The following SEMA3E variants were observed in gnomAD, a reference collection of about 807,000 sequenced individuals.
The protein encoded by SEMA3E is semaphorin-3E.
Under a neutral mutation model 93.6 loss-of-function variants are expected in SEMA3E, and 49 were observed. The ratio of observed to expected loss-of-function variants is 0.52; its 90% CI spans 0.42 to 0.66. The LOEUF (loss-of-function observed/expected upper bound fraction) is 0.66, where lower values mean the gene tolerates loss of function less well. Ranked by LOEUF, SEMA3E falls within the 30% of genes least tolerant of loss-of-function variation. SEMA3E has a pLI of 0.00. For missense variants in SEMA3E, 906 were observed against 964.8 expected, an observed-to-expected ratio of 0.94 and a Z score of 0.81; for synonymous variants, 363 against 330.7, an observed-to-expected ratio of 1.10 and a Z score of -1.06.
At position 83,367,458 on chromosome 7, in the gene SEMA3E, C is replaced by A. The variant is rs1794685360; in HGVS notation, c.*128G>T. 1.4e-5 allele frequency: 13 copies of A among 939,288 alleles called. No homozygotes were observed. Among genetic ancestry groups the A allele is most frequent in the South Asian group, 1.4e-4 (10 of 73,384 alleles). 58.2% of individuals were successfully genotyped at this position (939,288 alleles called of 1,614,324 possible). On this transcript the variant is annotated 3_prime_UTR_variant, in exon 17 of 17. Coordinates refer to ENST00000643230, the MANE Select transcript of SEMA3E (RefSeq NM_012431.3). ...GTATGTAGAATAATTTATTATAACA[C>A]CTTCATAGTCATTCCTGTATTACAG...
At position 83,364,357 on chromosome 7, in the gene SEMA3E, C is replaced by A. The variant is rs1794635148; in HGVS notation, c.*3229G>T. 6.6e-6 allele frequency: 1 copy of A among 152,124 alleles called. No homozygotes were observed. The allele number at this position is 152,124 out of a possible 1,614,324, so 9.4% of individuals were successfully genotyped here. A position where few individuals can be genotyped will look rare whatever the true frequency, so the allele number is the denominator to read the frequency against. On this transcript the variant is annotated 3_prime_UTR_variant, in exon 17 of 17. Coordinates refer to ENST00000643230, the MANE Select transcript of SEMA3E (RefSeq NM_012431.3). ...GCAAATATCGAACACTCATTACAAA[C>A]ATTCTAAGTATTTAACTAATTTTAG... is the stretch of plus-strand genomic sequence containing the variant.
rs540289055 is a variant in SEMA3E, at chr7:83,429,051, A to G, written c.457-10568T>C. Among the ~76,000 whole-genome samples the G allele has an allele frequency of 1.7e-4, 26 of 152,250 alleles. No homozygotes were observed. The East Asian group carries it at 4.6e-3, about 27-fold the overall frequency. On this transcript the variant is annotated intron_variant, in intron 4 of 16. Coordinates refer to ENST00000643230, the MANE Select transcript of SEMA3E (RefSeq NM_012431.3). ...TAGGTGTGGTTGAATGTCATTTATA[A>G]GGTACTTAATGCATAATCAAGGCCC...
At chr7:83,425,900 C>G (rs1387864429) in intron 4 of SEMA3E, among the ~76,000 whole-genome samples, 1 of 151,462 alleles carries the variant, frequency 6.6e-6, no homozygotes, top group Non-Finnish European at 1.5e-5. Flanking sequence ...AAAAACAACC[C>G]CATTAAAAAG....
At chr7:83,409,647 A>C (rs1788401623) in intron 5 of SEMA3E, among the ~76,000 whole-genome samples, 1 of 152,060 alleles carries the variant, frequency 6.6e-6, no homozygotes, top group Non-Finnish European at 1.5e-5. Flanking sequence ...TTTCCAACTT[A>C]ATATATCTAA....
intron 5 of SEMA3E, among the ~76,000 whole-genome samples, chr7:83,411,038 TGAAAATATTTTTATGG>T (rs961226215): frequency 4.6e-5 from 7 of 152,082 alleles, no homozygotes; most frequent in African/African-American, 1.7e-4. Flanking sequence ...CTTTGATAAT[TGAAAATATTTTTATGG>T]GAAAATAATA....
intron 1 of SEMA3E, among the ~76,000 whole-genome samples, chr7:83,643,673 G>T (rs531875897): frequency 2.6e-5 from 4 of 151,868 alleles, no homozygotes; most frequent in South Asian, 2.1e-4. Context: ...TCATAGGAAG[G>T]CTCTCTCCAC....
intron 1 of SEMA3E, among the ~76,000 whole-genome samples, chr7:83,641,876 A>C (rs1302221455): frequency 6.6e-6 from 1 of 152,250 alleles, no homozygotes; most frequent in Admixed American, 6.5e-5. Context: ...TATTCTGCAC[A>C]GTAATCTGCA....
At chr7:83,396,614 G>A in intron 12 of SEMA3E, 24 bp downstream of exon 12, 8 of 1,395,142 alleles carry the variant, frequency 5.7e-6, no homozygotes, top group Non-Finnish European at 8.1e-6. Flanking sequence ...CATAAATTTG[G>A]TCTGTATTTT....
intron 1 of SEMA3E, among the ~76,000 whole-genome samples, chr7:83,617,457 A>ATAATATATAATTTTATATAAG (rs1793395183): frequency 6.0e-5 from 2 of 33,144 alleles, no homozygotes; most frequent in African/African-American, 1.8e-4. Context: ...TTTTATATAA[A>ATAATATATAATTTTATATAAG]TAATATATAA....
At chr7:83,639,781 A>G (rs1479016348) in intron 1 of SEMA3E, among the ~76,000 whole-genome samples, 1 of 151,534 alleles carries the variant, frequency 6.6e-6, no homozygotes, top group Non-Finnish European at 1.5e-5. Flanking sequence ...CAAATAAAAT[A>G]TACTGTAGAT....
intron 1 of SEMA3E, among the ~76,000 whole-genome samples, chr7:83,520,258 A>G (rs1791017044): frequency 6.6e-6 from 1 of 152,134 alleles, no homozygotes; most frequent in Non-Finnish European, 1.5e-5. Flanking sequence ...GAAAAATTCC[A>G]TTCATTAGGA....
At position 83,556,234 on chromosome 7, in the gene SEMA3E, A is replaced by G. The variant is rs372382440; in HGVS notation, c.116-65960T>C. Among the ~76,000 whole-genome samples the G allele has an allele frequency of 9.2e-5, 14 of 152,302 alleles. 1 individual carries two copies. Among genetic ancestry groups the G allele is most frequent in the Admixed American group, 6.5e-5 (1 of 15,290 alleles). ...CTTACCTTCGCTTTTTGAGATAACT[A>G]TTGATAATACTTTAGCATATATCTT... On this transcript the variant is annotated intron_variant, in intron 1 of 16. Transcript: ENST00000643230.
At position 83,459,178 on chromosome 7, in the gene SEMA3E, T is replaced by C. The variant is rs549726641; in HGVS notation, c.456+7304A>G. Among the ~76,000 whole-genome samples the C allele has an allele frequency of 2.6e-5, 4 of 151,810 alleles. No homozygotes were observed. The South Asian group carries it at 6.2e-4, about 24-fold the overall frequency. ...CACTATTGAAACTGTTGAAAACCAA[T>C]GATAAAGACAAAATCTTAAAAGATA... On this transcript the variant is annotated intron_variant, in intron 4 of 16. Transcript: ENST00000643230.
rs779655312 is a variant in SEMA3E at position 83,392,570 on chromosome 7, C to T, written c.1652G>A (p.Gly551Asp). 6.2e-7 allele frequency: 1 copy of T among 1,613,280 alleles called. No homozygotes were observed. The highest frequency in any genetic ancestry group is 2.2e-5 in the East Asian group (1 of 44,834). ...CACGTCTCACCTTTTTGCATGTGTGCCTGTTGGGTAATACCGGGAGCAGGA... is the reference window on the plus strand; with the variant it reads ...CACGTCTCACCTTTTTGCATGTGTGTCTGTTGGGTAATACCGGGAGCAGGA... The part of the protein sequence containing the change: ...GISCSRYYPT[G>D]THAKRRFRRQ... Residue 551 changes from glycine to aspartate, a missense_variant, in exon 14 of 17, where the codon GGC (glycine) becomes GAC (aspartate). Physicochemically the swap from Gly to Asp is moderately conservative, Grantham distance 94. Transcript: ENST00000643230.
At chr7:83,622,967 A>G (rs911130316) in intron 1 of SEMA3E, among the ~76,000 whole-genome samples, 3 of 152,170 alleles carry the variant, frequency 2.0e-5, no homozygotes, top group South Asian at 2.1e-4. Context: ...CATCCCGCAC[A>G]TGTACCTTGG....
At chr7:83,473,048 A>G (rs369099989) in intron 2 of SEMA3E, among the ~76,000 whole-genome samples, 2 of 152,126 alleles carry the variant, frequency 1.3e-5, no homozygotes, top group African/African-American at 4.8e-5. Flanking sequence ...AAATTATCCA[A>G]TCTTGGTAGT....
intron 11 of SEMA3E, among the ~76,000 whole-genome samples, chr7:83,398,007 G>A (rs547479604): frequency 9.2e-5 from 14 of 152,180 alleles, no homozygotes; most frequent in African/African-American, 3.4e-4. Flanking sequence ...TTTTTAATAA[G>A]GACCATATAT....
intron 4 of SEMA3E, among the ~76,000 whole-genome samples, chr7:83,423,574 G>T (rs1446400360): frequency 2.0e-5 from 3 of 150,754 alleles, no homozygotes; most frequent in Admixed American, 6.6e-5. Flanking sequence ...CACCATCTCG[G>T]CTCACTGCAA....
At chr7:83,572,749 A>G (rs749471815) in intron 1 of SEMA3E, among the ~76,000 whole-genome samples, 31 of 152,178 alleles carry the variant, frequency 2.0e-4, no homozygotes, top group Non-Finnish European at 4.3e-4. Flanking sequence ...GGTCTTTGAC[A>G]AAGTTGACAA....
Sources: allele counts gnomAD v4.1 joint callset (sites outside exome capture counted in the v4.1 genomes callset), GRCh38; gene constraint gnomAD v4.1.1; transcripts MANE v1.5; gene names NCBI Gene and HGNC (gene_info 2026-07-23, HGNC 2026-07-21).